The following ZSCAN5A variants were observed in gnomAD, a reference collection of about 807,000 sequenced individuals.
ZSCAN5A encodes the protein zinc finger and SCAN domain containing 5A, also known as zinc finger and SCAN domain-containing protein 5A.
ZSCAN5A carries 12 observed loss-of-function variants against 23.7 expected under a neutral mutation model. The ratio of observed to expected loss-of-function variants is 0.51; its 90% confidence interval spans 0.32 to 0.82. ZSCAN5A has a LOEUF of 0.82. ZSCAN5A is among the 40% of genes least tolerant of loss of function. The pLI, the probability that ZSCAN5A is intolerant of heterozygous loss-of-function variation, is 0.03. For missense variants in ZSCAN5A, 597 were observed against 617.9 expected (o/e 0.97, Z 0.36); for synonymous variants, 257 against 239.9 (o/e 1.07, Z -0.66).
chr19:56,224,073 T>G lies in ZSCAN5A; in HGVS notation c.385-239A>C, dbSNP rs557333540. Among the ~76,000 whole-genome samples the G allele has an allele frequency of 7.9e-5, 12 of 151,758 alleles. No individual in the cohort carries two copies. The East Asian group carries it at 2.3e-3, about 29-fold the overall frequency. ...AGTACATAAACATGGGTCCTTTAGA[T>G]GAAATAGTCTCTAAACCAAAGAGAA... On this transcript the variant is annotated intron_variant, in intron 3 of 5. Coordinates refer to ENST00000683990, the MANE Select transcript of ZSCAN5A (RefSeq NM_001322064.3).
chr19:56,246,708 G>A lies in ZSCAN5A; in HGVS notation c.-127-21535C>T, dbSNP rs137995482. 3,731 of 1,112,110 alleles carry A rather than the reference G, an allele frequency of 3.4e-3. 58 individuals are homozygous for A. The highest frequency in any genetic ancestry group is 1.5e-3 in the Non-Finnish European group (1,139 of 742,136). The allele number at this position is 1,112,110 out of a possible 1,614,324, so 68.9% of individuals were successfully genotyped here. On this transcript the variant is annotated intron_variant, in intron 2 of 5. Transcript: ENST00000683990. ...TTGAAAATGTACCTTATTAACTGTT[G>A]TGTGTGGAATCCCTTCTTCCAGCAG...
At chr19:56,272,384 A>G (rs764701686) in intron 2 of ZSCAN5A, among the ~76,000 whole-genome samples, 4 of 152,240 alleles carry the variant, frequency 2.6e-5, no homozygotes, top group Non-Finnish European at 5.9e-5. Context: ...AAGCTGCTGT[A>G]GACAATACAT....
chr19:56,260,668 A>G (rs532825642), intron 2 of ZSCAN5A, among the ~76,000 whole-genome samples: 7 of 152,320 alleles, frequency 4.6e-5, no homozygotes, highest in African/African-American at 1.7e-4. Context: ...AGCTACAGTG[A>G]CCATCTAAGT....
At chr19:56,345,867 T>C (rs1229623718) in intron 2 of ZSCAN5A, among the ~76,000 whole-genome samples, 2 of 152,222 alleles carry the variant, frequency 1.3e-5, no homozygotes, top group Admixed American at 6.5e-5. Context: ...GACTTTGTTG[T>C]GATAACTATT....
intron 2 of ZSCAN5A, chr19:56,247,402 C>CGA: frequency 5.2e-6 from 1 of 190,706 alleles, no homozygotes; most frequent in Non-Finnish European, 1.1e-5. Flanking sequence ...CTATAAATGT[C>CGA]CCAAGTGTCT....
chr19:56,256,880 A>G (rs567860753), intron 2 of ZSCAN5A, among the ~76,000 whole-genome samples: 66 of 152,074 alleles, frequency 4.3e-4, no homozygotes, highest in African/African-American at 1.5e-3. Flanking sequence ...TTTGCGATGG[A>G]TTATCTGTTG....
chr19:56,342,432 T>C, intron 2 of ZSCAN5A: 1 of 370,602 alleles, frequency 2.7e-6, no homozygotes, highest in Non-Finnish European at 5.6e-6. Flanking sequence ...TGATCTTTAT[T>C]TTTAAATTCT....
intron 2 of ZSCAN5A, among the ~76,000 whole-genome samples, chr19:56,295,667 T>C (rs2039824627): frequency 6.6e-6 from 1 of 152,118 alleles, no homozygotes; most frequent in Non-Finnish European, 1.5e-5. Context: ...CTTCCCAGCC[T>C]AACCTTGCTG....
chr19:56,326,061 T>C (rs2041429810), intron 2 of ZSCAN5A, among the ~76,000 whole-genome samples: 1 of 151,812 alleles, frequency 6.6e-6, no homozygotes, highest in Non-Finnish European at 1.5e-5. Context: ...GCCTCCTGAG[T>C]AGCTGGGACT....
Position 56,231,996 on chromosome 19 carries a change from C to CTTTTTTTTTTTTTTTTTTTTTTTT in ZSCAN5A, c.-127-6824_-127-6823insAAAAAAAAAAAAAAAAAAAAAAAA, listed in dbSNP as rs59525392. Among the ~76,000 whole-genome samples the CTTTTTTTTTTTTTTTTTTTTTTTT allele has an allele frequency of 3.5e-4, 44 of 124,954 alleles. 1 individual carries two copies. Among genetic ancestry groups the CTTTTTTTTTTTTTTTTTTTTTTTT allele is most frequent in the Admixed American group, 5.4e-4 (6 of 11,136 alleles). 82.0% of individuals were successfully genotyped at this position (124,954 alleles called of 152,430 possible). On this transcript the variant is annotated intron_variant, in intron 2 of 5. Coordinates refer to ENST00000683990, the MANE Select transcript of ZSCAN5A (RefSeq NM_001322064.3). ...TCTTTTTTCTTTCTTTTTTTCTTTT[C>CTTTTTTTTTTTTTTTTTTTTTTTT]TTTTTTTTTGAGACAGTGTCTTGCT...
intron 2 of ZSCAN5A, among the ~76,000 whole-genome samples, chr19:56,329,464 A>C (rs1464427780): frequency 6.6e-6 from 1 of 152,038 alleles, no homozygotes; most frequent in Non-Finnish European, 1.5e-5. Flanking sequence ...GAAATAGGAG[A>C]GTTATAGTAT....
intron 2 of ZSCAN5A, chr19:56,246,943 C>G (rs1014532860): frequency 6.4e-7 from 1 of 1,558,642 alleles, no homozygotes; most frequent in South Asian, 1.1e-5. Flanking sequence ...AGGAGCCACA[C>G]CTGTGGGCAA....
At chr19:56,288,942 G>T (rs564843797) in intron 2 of ZSCAN5A, among the ~76,000 whole-genome samples, 1 of 152,150 alleles carries the variant, frequency 6.6e-6, no homozygotes, top group African/African-American at 2.4e-5. Flanking sequence ...CATAACCACC[G>T]CTGGGCCTTC....
intron 2 of ZSCAN5A, among the ~76,000 whole-genome samples, chr19:56,311,706 C>G (rs985036788): frequency 6.6e-6 from 1 of 152,120 alleles, no homozygotes; most frequent in African/African-American, 2.4e-5. Context: ...CATGTGCAGG[C>G]TGTGCAGTTT....
chr19:56,342,155 T>C (rs1452541548), intron 2 of ZSCAN5A, among the ~76,000 whole-genome samples: 1 of 152,106 alleles, frequency 6.6e-6, no homozygotes. Flanking sequence ...AATCTTCTTA[T>C]AGTGACTTAT....
chr19:56,313,927 A>C (rs1464885005), intron 1 of ZSCAN5A, among the ~76,000 whole-genome samples: 1 of 152,202 alleles, frequency 6.6e-6, no homozygotes, highest in African/African-American at 2.4e-5. Flanking sequence ...CTTTTAGGGC[A>C]GCAGTTCTCA....
chr19:56,320,046 C>T (rs748556867), intron 2 of ZSCAN5A: 21 of 797,132 alleles, frequency 2.6e-5, no homozygotes, highest in Non-Finnish European at 4.4e-5. Flanking sequence ...CCTTTCTGGT[C>T]TGCATCAGAC....
chr19:56,266,311 C>T (rs2037465917), intron 2 of ZSCAN5A: 1 of 152,140 alleles, frequency 6.6e-6, no homozygotes, highest in African/African-American at 2.4e-5. Flanking sequence ...AGCTCCCGCT[C>T]TTTCTGCCAA....
intron 2 of ZSCAN5A, chr19:56,297,523 A>C: frequency 1.0e-6 from 1 of 985,120 alleles, no homozygotes; most frequent in Non-Finnish European, 1.2e-6. Flanking sequence ...AGTGGCTGCA[A>C]GGAGGAAGGT....
Sources: gnomAD v4.1 joint callset for allele counts (sites outside exome capture counted in the v4.1 genomes callset) on GRCh38, gnomAD v4.1.1 for gene constraint, MANE v1.5 for transcripts, NCBI Gene and HGNC (gene_info 2026-07-23, HGNC 2026-07-21) for gene names.